USP2: variants seen among roughly 807,000 people sequenced by gnomAD.
USP2 encodes the protein ubiquitin specific peptidase 2.
USP2 carries 33 observed loss-of-function variants against 72.0 expected under a neutral mutation model. The observed-to-expected ratio is 0.46, with a 90% CI of 0.35 to 0.61. The LOEUF (loss-of-function observed/expected upper bound fraction) is 0.61. Ranked by LOEUF, USP2 falls within the 20% of genes least tolerant of loss-of-function variation. The pLI is 0.01. For missense variants in USP2, 691 were observed against 797.8 expected, an observed-to-expected ratio of 0.87 and a Z score of 1.61; for synonymous variants, 296 against 312.5, an observed-to-expected ratio of 0.95 and a Z score of 0.56.
intron 1 of USP2, chr11:119,378,871 A>G (rs1951030840): frequency 1.9e-6 from 1 of 523,462 alleles, no homozygotes; most frequent in Non-Finnish European, 2.5e-6. Context: ...CAGCCTCCGG[A>G]GGAGCCTTTG....
Position 119,373,254 on chromosome 11 carries a change from C to CG in USP2, c.226dup (p.Arg76ProfsTer15), listed in dbSNP as rs756790440. 3.1e-6 allele frequency: 5 copies of CG among 1,613,818 alleles called. No individual in the cohort carries two copies. Among genetic ancestry groups the CG allele is most frequent in the Admixed American group, 1.7e-5 (1 of 60,010 alleles). ...GTCGGGTCTCAGCAGGGGGCGGCCC[C>CG]GGTCATAGTCCAGGAGGGAGGAGGG... On this transcript the variant is annotated frameshift_variant, in exon 2 of 13. Transcript: ENST00000260187. LOFTEE classifies it high-confidence loss of function.
At chr11:119,361,563 CAGCCTATGAGGCTGTCAGCAGCTCAA>C (rs1950765300) in intron 2 of USP2, among the ~76,000 whole-genome samples, 1 of 150,584 alleles carries the variant, frequency 6.6e-6, no homozygotes, top group South Asian at 2.1e-4. Flanking sequence ...CGTGTGCTGA[CAGCCTATGAGGCTGTCAGCAGCTCAA>C]AGCCCATGAG....
At chr11:119,362,177 AAC>A (rs2135392967) in intron 2 of USP2, among the ~76,000 whole-genome samples, 1 of 152,312 alleles carries the variant, frequency 6.6e-6, no homozygotes, top group African/African-American at 2.4e-5. Flanking sequence ...CAGCTGAGAC[AAC>A]AGTCACTCAG....
Position 119,359,726 on chromosome 11 carries a change from A to G in USP2, c.826-66T>C, listed in dbSNP as rs796548260. The G allele has an allele frequency of 9.5e-6, 15 of 1,581,314 alleles. No individual in the cohort carries two copies. In the African/African-American group the frequency reaches 1.7e-4, roughly 18 times the overall value. The stretch of plus-strand genomic sequence containing the variant: ...CCCACCTTCACCTGTGTTACTTACT[A>G]CCAGAGGCTCTCTGGTTCATCTACC... On this transcript the variant is annotated intron_variant, in intron 3 of 12. Transcript: ENST00000260187.
chr11:119,357,679 G>A, intron 10 of USP2, 78 bp downstream of exon 10: 1 of 1,613,402 alleles, frequency 6.2e-7, no homozygotes, highest in Non-Finnish European at 8.5e-7. Flanking sequence ...TCTTCCGACT[G>A]TTCCCCTCAC....
intron 2 of USP2, among the ~76,000 whole-genome samples, chr11:119,367,728 ACCT>A (rs1326863958): frequency 1.3e-5 from 2 of 151,940 alleles, no homozygotes; most frequent in Non-Finnish European, 2.9e-5. Flanking sequence ...AGGCCCACAC[ACCT>A]CCTTCTTTTG....
chr11:119,360,056 AAG>A, intron 3 of USP2, 126 bp downstream of exon 3: 3 of 1,163,644 alleles, frequency 2.6e-6, no homozygotes, highest in Non-Finnish European at 3.7e-6. Context: ...ACCAGCCAGG[AAG>A]GGCAAGTGCC....
intron 1 of USP2, among the ~76,000 whole-genome samples, chr11:119,376,996 TTAAA>T (rs1199348826): frequency 3.3e-5 from 5 of 152,242 alleles, no homozygotes; most frequent in African/African-American, 1.2e-4. Context: ...AAATTAAAAT[TTAAA>T]AACATTTTCA....
rs1950680816 is a variant in USP2, at chr11:119,357,265, C to T, written c.1652G>A (p.Gly551Glu). Residue 551 changes from glycine (G) to glutamate (E), a missense_variant, in exon 12 of 13, where the codon GGA becomes GAA. Coordinates refer to ENST00000260187, the MANE Select transcript of USP2 (RefSeq NM_004205.5). ...YNLYAVSNHS[G>E]TTMGGHYTAY... ...TGTATAGTGGCCACCCATGGTGGTT[C>T]CGGAGTGATTGGACACAGCGTACAG... 1 of 1,613,522 alleles carries T rather than the reference C, an allele frequency of 6.2e-7. No homozygotes were observed. The highest frequency in any genetic ancestry group is 8.5e-7 in the Non-Finnish European group (1 of 1,179,910).
Position 119,358,017 on chromosome 11 carries a change from G to T in USP2, c.1386C>A (p.Phe462Leu), listed in dbSNP as rs1217125054. The T allele has an allele frequency of 2.5e-6, 4 of 1,614,182 alleles. No individual in the cohort carries two copies. The South Asian group carries it at 3.3e-5, about 13-fold the overall frequency. The change falls in exon 9 of 13, where the codon TTC becomes TTA. Residue 462 changes from phenylalanine to leucine, a missense_variant. Physicochemically the swap from Phe to Leu is conservative, Grantham distance 22 (BLOSUM62 0). Coordinates refer to ENST00000260187, the MANE Select transcript of USP2 (RefSeq NM_004205.5). ...CTCCATCAAGCACATCCTCTTTGGT[G>T]AAGAGCCTCATGCAGTCCATTAATG... ...EVTLMDCMRLFTKEDVLDGDE... is the reference protein window; with the variant it reads ...EVTLMDCMRLLTKEDVLDGDE...
Position 119,357,540 on chromosome 11 carries a change from A to G in USP2, c.1552T>C (p.Phe518Leu). Reference protein sequence around the residue: ...SRIRTSKLTTFVNFPLRDLDL... With the variant: ...SRIRTSKLTTLVNFPLRDLDL... ...AGGTCTCTTAGGGGGAAGTTCACAA[A>G]TGTTGTGAGCTTGCTGGTTCGGATC... Residue 518 changes from phenylalanine (F) to leucine (L), a missense_variant, in exon 11 of 13, where the codon TTT becomes CTT. Phe to Leu is a conservative substitution (Grantham distance 22). Coordinates refer to ENST00000260187, the MANE Select transcript of USP2 (RefSeq NM_004205.5). 1 of 1,614,096 alleles carries G rather than the reference A, an allele frequency of 6.2e-7. No individual in the cohort carries two copies.
At chr11:119,369,424 G>C (rs1480720817) in intron 2 of USP2, among the ~76,000 whole-genome samples, 3 of 152,092 alleles carry the variant, frequency 2.0e-5, no homozygotes. Flanking sequence ...GCCTGCTGTT[G>C]ACCTCCCTTA....
At chr11:119,371,606 C>T (rs1258169977) in intron 2 of USP2, among the ~76,000 whole-genome samples, 1 of 152,178 alleles carries the variant, frequency 6.6e-6, no homozygotes, top group Non-Finnish European at 1.5e-5. Context: ...AGGTCCTGCC[C>T]CTATTCCTGA....
chr11:119,369,501 T>C lies in USP2; in HGVS notation c.774+3206A>G, dbSNP rs1052894202. On this transcript the variant is annotated intron_variant, in intron 2 of 12. Coordinates refer to ENST00000260187, the MANE Select transcript of USP2 (RefSeq NM_004205.5). ...CCCTGGGACACAGGATGTACTTTTT[T>C]TTACCTCTGTTTCTCCCACGGGGTT... Among the ~76,000 whole-genome samples the C allele has an allele frequency of 4.0e-5, 6 of 151,868 alleles. No individual in the cohort carries two copies. In the South Asian group the frequency reaches 8.3e-4, roughly 21 times the overall value.
intron 2 of USP2, chr11:119,363,902 A>G: frequency 9.0e-7 from 1 of 1,108,052 alleles, no homozygotes. Flanking sequence ...AGGGACGGGG[A>G]GAGAGGGGAG....
intron 1 of USP2, chr11:119,376,310 A>T (rs567202139): frequency 3.0e-6 from 3 of 985,700 alleles, no homozygotes; most frequent in South Asian, 9.4e-5. Flanking sequence ...TGCGCAAGAC[A>T]GGGACAGGAC....
chr11:119,381,357 C>G (rs933484800), intron 1 of USP2, 116 bp downstream of exon 1: 9 of 1,151,066 alleles, frequency 7.8e-6, no homozygotes, highest in Non-Finnish European at 1.1e-5. Context: ...CGGCTCTCTC[C>G]CTATATTTCT....
rs776707092 is a variant in USP2, at chr11:119,360,242, C to T, written c.775-8G>A. 1.2e-6 allele frequency: 2 copies of T among 1,613,866 alleles called. No homozygotes were observed. Among genetic ancestry groups the T allele is most frequent in the South Asian group, 2.2e-5 (2 of 90,986 alleles). On this transcript the variant is annotated splice_region_variant and splice_polypyrimidine_tract_variant and intron_variant, in intron 2 of 12. Coordinates refer to ENST00000260187, the MANE Select transcript of USP2 (RefSeq NM_004205.5). ...CTGGGCACTCTTAGAATTCTGTAAG[C>T]AAAGAACATATGGCAATAAGGTGGA...
At chr11:119,380,083 T>G (rs1466725671) in intron 1 of USP2, among the ~76,000 whole-genome samples, 8 of 151,834 alleles carry the variant, frequency 5.3e-5, no homozygotes, top group Non-Finnish European at 1.5e-5. Context: ...CCCGGCTAAT[T>G]TTTTTGTAAT....
Sources: allele counts gnomAD v4.1 joint callset (sites outside exome capture counted in the v4.1 genomes callset), GRCh38; gene constraint gnomAD v4.1.1; transcripts MANE v1.5; gene names NCBI Gene and HGNC (gene_info 2026-07-23, HGNC 2026-07-21).